Variants in TBX20 observed in about 807,000 individuals in gnomAD.
TBX20 encodes the protein T-box transcription factor TBX20.
In TBX20, 8 loss-of-function variants were observed where a neutral mutation model predicts 42.9. The ratio of observed to expected loss-of-function variants is 0.19; its 90% confidence interval spans 0.11 to 0.34. TBX20 has a LOEUF of 0.34. Ranked by LOEUF, TBX20 falls within the 10% of genes least tolerant of loss-of-function variation. TBX20 has a pLI of 1.00. For missense variants in TBX20, 411 were observed against 566.0 expected (o/e 0.73, Z 2.78); for synonymous variants, 198 against 222.8 (o/e 0.89, Z 0.99).
At chr7:35,216,982 T>G (rs1284558119) in intron 6 of TBX20, among the ~76,000 whole-genome samples, 4 of 152,258 alleles carry the variant, frequency 2.6e-5, no homozygotes, top group Non-Finnish European at 4.4e-5. Flanking sequence ...TGGAAGACAA[T>G]GTATCAATAT....
intron 6 of TBX20, among the ~76,000 whole-genome samples, chr7:35,228,584 T>C (rs1397838373): frequency 2.0e-5 from 3 of 152,112 alleles, no homozygotes; most frequent in African/African-American, 7.2e-5. Context: ...GAATAAAACA[T>C]AGATAACTCC....
At chr7:35,237,677 T>C (rs1285266294) in intron 5 of TBX20, among the ~76,000 whole-genome samples, 1 of 152,074 alleles carries the variant, frequency 6.6e-6, no homozygotes. Flanking sequence ...TTTGTTTCGT[T>C]TTTTGTATAT....
intron 6 of TBX20, among the ~76,000 whole-genome samples, chr7:35,215,265 T>C (rs1789564443): frequency 1.3e-5 from 2 of 152,208 alleles, no homozygotes; most frequent in Admixed American, 1.3e-4. Flanking sequence ...GCAGTTCTTA[T>C]ATAAAGGATG....
At chr7:35,218,202 A>G (rs977233572) in intron 6 of TBX20, among the ~76,000 whole-genome samples, 9 of 152,238 alleles carry the variant, frequency 5.9e-5, no homozygotes, top group South Asian at 2.1e-4. Context: ...AAGAACTTCT[A>G]TAAAACAAAG....
chr7:35,219,870 A>C (rs1171375885), intron 6 of TBX20, among the ~76,000 whole-genome samples: 1 of 152,216 alleles, frequency 6.6e-6, no homozygotes, highest in East Asian at 1.9e-4. Context: ...AGCTCTGAGC[A>C]AAAAGGGCCA....
chr7:35,253,386 G>T, intron 1 of TBX20, 108 bp downstream of exon 1: 2 of 1,338,584 alleles, frequency 1.5e-6, no homozygotes, highest in Non-Finnish European at 2.1e-6. Context: ...GCGATGTATG[G>T]CTCATGGCTT....
At chr7:35,239,357 C>A (rs1006345990) in intron 5 of TBX20, among the ~76,000 whole-genome samples, 1 of 152,138 alleles carries the variant, frequency 6.6e-6, no homozygotes, top group African/African-American at 2.4e-5. Flanking sequence ...GAACCCAAAA[C>A]CTAACAACAT....
intron 1 of TBX20, 151 bp from the exon 2 acceptor site, chr7:35,250,354 A>C: frequency 2.1e-6 from 2 of 969,758 alleles, no homozygotes; most frequent in Non-Finnish European, 3.2e-6. Flanking sequence ...ACCCATCATC[A>C]CTGTATAAAA....
At chr7:35,210,859 T>C (rs1276505817) in intron 6 of TBX20, among the ~76,000 whole-genome samples, 1 of 152,190 alleles carries the variant, frequency 6.6e-6, no homozygotes, top group Non-Finnish European at 1.5e-5. Flanking sequence ...CTCTGCTTTT[T>C]GAGATGTGTA....
chr7:35,243,527 T>C (rs777715550), intron 4 of TBX20, among the ~76,000 whole-genome samples: 2 of 152,174 alleles, frequency 1.3e-5, no homozygotes, highest in Admixed American at 6.5e-5. Flanking sequence ...GCTTCACTTA[T>C]AGAAAATTCT....
rs1457366029 is a variant in TBX20, at chr7:35,202,711, T to A, written c.1063A>T (p.Ser355Cys). The change falls in exon 8 of 8, where the codon AGT (serine) becomes TGT (cysteine). Residue 355 changes from serine (S) to cysteine (C), a missense_variant. This residue lies in a region of TBX20 where 162 missense variants were observed against 205.4 expected (regional missense o/e 0.79). Transcript: ENST00000408931. ...SLSSWVSSSSSFPGFQHPQSL... is the reference protein window; with the variant it reads ...SLSSWVSSSSCFPGFQHPQSL... The stretch of plus-strand genomic sequence containing the variant: ...TGTGGGTGCTGAAACCCAGGAAAAC[T>A]GGAAGAAGATGATACCCAGGAGCTG... The A allele has an allele frequency of 6.3e-7, 1 of 1,597,192 alleles. No individual in the cohort carries two copies. Among genetic ancestry groups the A allele is most frequent in the Admixed American group, 1.7e-5 (1 of 57,366 alleles).
At chr7:35,237,992 G>A (rs921951814) in intron 5 of TBX20, among the ~76,000 whole-genome samples, 1 of 152,074 alleles carries the variant, frequency 6.6e-6, no homozygotes, top group Admixed American at 6.5e-5. Flanking sequence ...ACAGCTTAGG[G>A]GTTAAGGGCA....
At chr7:35,215,787 G>A (rs192359574) in intron 6 of TBX20, among the ~76,000 whole-genome samples, 65 of 152,142 alleles carry the variant, frequency 4.3e-4, no homozygotes, top group African/African-American at 1.6e-3. Flanking sequence ...ATCACGGCCA[G>A]AAAATGGGCA....
intron 6 of TBX20, among the ~76,000 whole-genome samples, chr7:35,229,103 C>T (rs1044463263): frequency 1.3e-5 from 2 of 152,090 alleles, no homozygotes; most frequent in African/African-American, 4.8e-5. Flanking sequence ...GGGTGTCCCA[C>T]ACATTAAGCT....
intron 3 of TBX20, among the ~76,000 whole-genome samples, chr7:35,246,976 A>G (rs1790201798): frequency 1.3e-5 from 2 of 152,050 alleles, no homozygotes; most frequent in Non-Finnish European, 2.9e-5. Context: ...AATAGCTTAA[A>G]CATGCTTCAG....
chr7:35,216,612 C>T (rs754663291), intron 6 of TBX20, among the ~76,000 whole-genome samples: 3 of 152,134 alleles, frequency 2.0e-5, no homozygotes, highest in Non-Finnish European at 4.4e-5. Flanking sequence ...ATTATGTGTT[C>T]CAGAAGGTGC....
Position 35,202,522 on chromosome 7 carries a change from T to C in TBX20, c.1252A>G (p.Met418Val). 6.2e-7 allele frequency: 1 copy of C among 1,612,926 alleles called. No individual in the cohort carries two copies. Among genetic ancestry groups the C allele is most frequent in the East Asian group, 2.2e-5 (1 of 44,830 alleles). ...GSGPTFPSFH[M>V]PRYHHYFQQG... is the part of the protein sequence containing the mutation. ...TGAAAATAGTGATGGTATCGCGGCATGTGGAATGAAGGGAATGTGGGGCCA... is the reference window on the plus strand; with the variant it reads ...TGAAAATAGTGATGGTATCGCGGCACGTGGAATGAAGGGAATGTGGGGCCA... The change falls in exon 8 of 8, where the codon ATG becomes GTG. Residue 418 changes from methionine (M) to valine (V), a missense_variant. Around this residue, in one of 5 missense-constraint regions of TBX20, gnomAD observed 162 missense variants for 205.4 expected, o/e 0.79. Coordinates refer to ENST00000408931, the MANE Select transcript of TBX20 (RefSeq NM_001077653.2).
rs1014416726 is a variant in TBX20, at chr7:35,210,118, T to C, written c.891-5536A>G. On this transcript the variant is annotated intron_variant, in intron 6 of 7. Coordinates refer to ENST00000408931, the MANE Select transcript of TBX20 (RefSeq NM_001077653.2). ...GCTAATTTTAGATAATATTTTCTTT[T>C]TTTTTTTTTTTTTTGAGACGGAGTC... is the stretch of plus-strand genomic sequence containing the variant. Among the ~76,000 whole-genome samples, 14 of 148,226 alleles carry C rather than the reference T, an allele frequency of 9.4e-5. No individual in the cohort carries two copies. The South Asian group carries it at 1.5e-3, about 16-fold the overall frequency.
intron 5 of TBX20, among the ~76,000 whole-genome samples, chr7:35,237,143 T>G (rs1789981873): frequency 6.6e-6 from 1 of 152,224 alleles, no homozygotes; most frequent in African/African-American, 2.4e-5. Context: ...ACCAGATTTG[T>G]GACCTTGGGT....
Sources: gnomAD v4.1 joint callset for allele counts (sites outside exome capture counted in the v4.1 genomes callset) on GRCh38, gnomAD v4.1.1 for gene constraint, gnomAD v4.1.1 regional missense constraint, MANE v1.5 for transcripts, NCBI Gene and HGNC (gene_info 2026-07-23, HGNC 2026-07-21) for gene names.